Variants in ADGRL4 observed in about 807,000 individuals in gnomAD.
ADGRL4 encodes the protein adhesion G protein-coupled receptor L4.
Under a neutral mutation model 74.8 loss-of-function variants are expected in ADGRL4, and 90 were observed. That is an observed-to-expected ratio of 1.20 (90% CI 1.02 to 1.43). ADGRL4 has a LOEUF of 1.43. ADGRL4 is among the 40% of genes most tolerant of loss of function. The probability of loss-of-function intolerance (pLI) is 0.00; values close to 1 mark genes in which losing one functional copy is unlikely to be tolerated. For missense variants in ADGRL4, 881 were observed against 814.3 expected, an observed-to-expected ratio of 1.08 and a Z score of -1.00; for synonymous variants, 311 against 279.2, an observed-to-expected ratio of 1.11 and a Z score of -1.14.
At chr1:78,998,020 G>C (rs1650753377) in intron 2 of ADGRL4, among the ~76,000 whole-genome samples, 2 of 152,132 alleles carry the variant, frequency 1.3e-5, no homozygotes, top group Admixed American at 1.3e-4. Flanking sequence ...AAACAACGAG[G>C]AATAGAATGT....
In ADGRL4 at chr1:78,939,094, T is replaced by C. The variant is rs7526334; in HGVS notation, c.396+94A>G. 6 of 1,372,278 alleles carry C rather than the reference T, an allele frequency of 4.4e-6. No individual in the cohort carries two copies. In the South Asian group the frequency reaches 9.5e-5, roughly 22 times the overall value. The allele number at this position is 1,372,278 out of a possible 1,614,324, so 85.0% of individuals were successfully genotyped here. ...TTTTCGACTCTCCCTAAAGTTTGACTACTGTTTACTCTTCTTGAAATGTGT... is the reference window on the plus strand; with the variant it reads ...TTTTCGACTCTCCCTAAAGTTTGACCACTGTTTACTCTTCTTGAAATGTGT... On this transcript the variant is annotated intron_variant, in intron 4 of 14. Coordinates refer to ENST00000370742, the MANE Select transcript of ADGRL4 (RefSeq NM_022159.4).
intron 2 of ADGRL4, among the ~76,000 whole-genome samples, chr1:78,995,974 G>T (rs1650703962): frequency 6.6e-6 from 1 of 152,150 alleles, no homozygotes; most frequent in African/African-American, 2.4e-5. Context: ...TGGAGCATAA[G>T]ATATAAAATA....
intron 2 of ADGRL4, among the ~76,000 whole-genome samples, chr1:78,989,986 C>A (rs1650574165): frequency 6.6e-6 from 1 of 151,892 alleles, no homozygotes; most frequent in Non-Finnish European, 1.5e-5. Flanking sequence ...CTGACTCTCA[C>A]AATAAGCTGT....
chr1:78,928,362 A>C (rs192130656), intron 7 of ADGRL4, among the ~76,000 whole-genome samples: 16 of 151,540 alleles, frequency 1.1e-4, no homozygotes, highest in Non-Finnish European at 1.5e-4. Context: ...GAACTTCTTC[A>C]ATTCCTATGA....
intron 6 of ADGRL4, among the ~76,000 whole-genome samples, chr1:78,936,634 T>A (rs1352879090): frequency 6.6e-6 from 1 of 152,124 alleles, no homozygotes; most frequent in Non-Finnish European, 1.5e-5. Flanking sequence ...ATGGTTTAAC[T>A]TTTTTTGCAT....
At chr1:78,913,247 A>T (rs544195224) in intron 12 of ADGRL4, among the ~76,000 whole-genome samples, 9 of 152,024 alleles carry the variant, frequency 5.9e-5, no homozygotes, top group Middle Eastern at 3.4e-3. Context: ...CAAAGACCTA[A>T]AAACAGAACT....
intron 2 of ADGRL4, among the ~76,000 whole-genome samples, chr1:79,002,338 C>T (rs777566710): frequency 5.9e-5 from 9 of 152,084 alleles, no homozygotes; most frequent in Non-Finnish European, 8.8e-5. Context: ...AACCATACAA[C>T]GTTTTGAAAA....
intron 12 of ADGRL4, among the ~76,000 whole-genome samples, chr1:78,902,905 G>C (rs543636620): frequency 6.6e-6 from 1 of 151,868 alleles, no homozygotes; most frequent in Non-Finnish European, 1.5e-5. Flanking sequence ...AATTTTTCCT[G>C]TACTGGTGAA....
rs755658926 is a variant in ADGRL4 at position 78,891,657 on chromosome 1, A to C, written c.1877T>G (p.Leu626Arg). The C allele has an allele frequency of 2.5e-6, 4 of 1,612,906 alleles. No homozygotes were observed. In the African/African-American group the frequency reaches 5.3e-5, roughly 22 times the overall value. The stretch of plus-strand genomic sequence containing the variant: ...CCCAAAGATCCAGGTGGTGCCGAGA[A>C]GGAACAGAAGAGCGAGGGCTCCTCT... ...CARGALALLF[L>R]LGTTWIFGVL... The change falls in exon 14 of 15, where the codon CTT becomes CGT. Residue 626 changes from leucine (L) to arginine (R), a missense_variant. Physicochemically the swap from Leu to Arg is moderately radical, Grantham distance 102. Coordinates refer to ENST00000370742, the MANE Select transcript of ADGRL4 (RefSeq NM_022159.4).
chr1:79,006,641 G>A lies in ADGRL4; in HGVS notation c.14C>T (p.Pro5Leu), dbSNP rs1650968681. The change falls in exon 1 of 15, where the codon CCG becomes CTG. Residue 5 changes from proline to leucine, a missense_variant. Physicochemically the swap from Pro to Leu is moderately conservative, Grantham distance 98 (BLOSUM62 -3). Coordinates refer to ENST00000370742, the MANE Select transcript of ADGRL4 (RefSeq NM_022159.4). ...GGGCGCTGAGCACTCACCTAGGAGCGGGAGGCGTTTCATTGGCGGTGGCCG... is the reference window on the plus strand; with the variant it reads ...GGGCGCTGAGCACTCACCTAGGAGCAGGAGGCGTTTCATTGGCGGTGGCCG... MKRL[P>L]LLVVFSTLLN... The A allele has an allele frequency of 1.3e-6, 2 of 1,519,672 alleles. No individual in the cohort carries two copies. The highest frequency in any genetic ancestry group is 2.7e-5 in the East Asian group (1 of 37,726). 94.1% of individuals were successfully genotyped at this position (1,519,672 alleles called of 1,614,324 possible).
intron 2 of ADGRL4, among the ~76,000 whole-genome samples, chr1:78,993,285 T>C (rs1299528309): frequency 2.0e-5 from 3 of 152,170 alleles, no homozygotes; most frequent in African/African-American, 4.8e-5. Flanking sequence ...TAGGGCATGA[T>C]AATAAACAAA....
At chr1:78,960,271 T>C (rs1354719939) in intron 2 of ADGRL4, among the ~76,000 whole-genome samples, 1 of 152,222 alleles carries the variant, frequency 6.6e-6, no homozygotes, top group Non-Finnish European at 1.5e-5. Flanking sequence ...AGTCCGATTT[T>C]AAAACCATAC....
chr1:78,999,835 T>A (rs200020799), intron 2 of ADGRL4, among the ~76,000 whole-genome samples: 1 of 116,930 alleles, frequency 8.6e-6, no homozygotes, highest in Admixed American at 8.0e-5. Flanking sequence ...TATCTATCTA[T>A]CTATCTACCT....
intron 2 of ADGRL4, among the ~76,000 whole-genome samples, chr1:78,960,444 T>G (rs1242969482): frequency 6.6e-6 from 1 of 152,148 alleles, no homozygotes; most frequent in South Asian, 2.1e-4. Flanking sequence ...CTTGAAACAA[T>G]AATTATAGCC....
At chr1:78,923,916 A>G (rs1046375975) in intron 8 of ADGRL4, among the ~76,000 whole-genome samples, 1 of 151,888 alleles carries the variant, frequency 6.6e-6, no homozygotes, top group Admixed American at 6.6e-5. Flanking sequence ...TTACCAAGAA[A>G]TCATTGTAGA....
intron 2 of ADGRL4, among the ~76,000 whole-genome samples, chr1:78,974,589 G>A (rs982473055): frequency 3.3e-5 from 5 of 152,100 alleles, no homozygotes; most frequent in Admixed American, 3.3e-4. Context: ...TACAGATTTA[G>A]ACGTTGGAGA....
intron 2 of ADGRL4, among the ~76,000 whole-genome samples, chr1:78,952,328 C>CTTTTTTTTTT (rs10647389): frequency 8.4e-6 from 1 of 119,704 alleles, no homozygotes. Flanking sequence ...ACATAGAAAG[C>CTTTTTTTTTT]TTTTTTTTTT....
intron 8 of ADGRL4, among the ~76,000 whole-genome samples, chr1:78,924,122 T>A (rs961019799): frequency 2.6e-5 from 4 of 151,926 alleles, no homozygotes; most frequent in African/African-American, 9.7e-5. Context: ...AAATTTTAAT[T>A]AAAATATTAA....
chr1:78,910,275 T>G (rs2100662159), intron 12 of ADGRL4, among the ~76,000 whole-genome samples: 1 of 151,970 alleles, frequency 6.6e-6, no homozygotes, highest in Middle Eastern at 3.4e-3. Context: ...TCATAAAAAT[T>G]CATTTTGAGT....
Sources: gnomAD v4.1 joint callset for allele counts (sites outside exome capture counted in the v4.1 genomes callset) on GRCh38, gnomAD v4.1.1 for gene constraint, MANE v1.5 for transcripts, NCBI Gene and HGNC (gene_info 2026-07-23, HGNC 2026-07-21) for gene names.